The following CAMK1D variants were observed in gnomAD, a reference collection of about 807,000 sequenced individuals.
The protein encoded by CAMK1D is calcium/calmodulin-dependent protein kinase type 1D.
In CAMK1D, 9 loss-of-function variants were observed where a neutral mutation model predicts 47.7. The ratio of observed to expected loss-of-function variants is 0.19; its 90% confidence interval spans 0.11 to 0.33. The LOEUF (loss-of-function observed/expected upper bound fraction) is 0.33, where lower values mean the gene tolerates loss of function less well. CAMK1D is among the 10% of genes least tolerant of loss of function. The pLI is 1.00. For missense variants in CAMK1D, 291 were observed against 488.7 expected (o/e 0.60, Z 3.81); for synonymous variants, 184 against 184.9 (o/e 0.99, Z 0.04).
chr10:12,618,482 G>A (rs1341850047), intron 2 of CAMK1D, among the ~76,000 whole-genome samples: 1 of 152,146 alleles, frequency 6.6e-6, no homozygotes, highest in Non-Finnish European at 1.5e-5. Flanking sequence ...TTGCACTTGT[G>A]TGTCCATAAA....
chr10:12,691,375 AT>A (rs1383184778), intron 3 of CAMK1D, among the ~76,000 whole-genome samples: 1 of 6,912 alleles, frequency 1.4e-4, no homozygotes, highest in African/African-American at 5.0e-4. Flanking sequence ...ATATATATAT[AT>A]AAATATATAT....
chr10:12,827,311 C>CTTTTTTCTTTCT (rs1554831745), intron 10 of CAMK1D, among the ~76,000 whole-genome samples: 1 of 123,532 alleles, frequency 8.1e-6, no homozygotes, highest in Non-Finnish European at 1.6e-5. Flanking sequence ...CTCTCTTTTT[C>CTTTTTTCTTTCT]TTTTCTTTCT....
intron 1 of CAMK1D, among the ~76,000 whole-genome samples, chr10:12,406,368 A>G (rs1279232449): frequency 6.6e-6 from 1 of 152,132 alleles, no homozygotes; most frequent in African/African-American, 2.4e-5. Context: ...AACAAGAAGA[A>G]AATACTAGTT....
At chr10:12,560,618 A>T (rs1214816248) in intron 2 of CAMK1D, among the ~76,000 whole-genome samples, 2 of 151,994 alleles carry the variant, frequency 1.3e-5, no homozygotes, top group South Asian at 2.1e-4. Flanking sequence ...GGGGCTGAAG[A>T]TAACCACTTT....
chr10:12,769,644 G>C, intron 4 of CAMK1D, 29 bp from the exon 5 acceptor site: 2 of 1,612,508 alleles, frequency 1.2e-6, no homozygotes, highest in Non-Finnish European at 1.7e-6. Context: ...CACGTAGTTT[G>C]TAATGTTTTT....
chr10:12,663,586 T>C (rs1304866618), intron 2 of CAMK1D, among the ~76,000 whole-genome samples: 1 of 152,088 alleles, frequency 6.6e-6, no homozygotes, highest in Non-Finnish European at 1.5e-5. Context: ...AGTGCATGAG[T>C]ACCAGGAGGG....
At chr10:12,560,279 G>A (rs1466336495) in intron 2 of CAMK1D, among the ~76,000 whole-genome samples, 3 of 152,048 alleles carry the variant, frequency 2.0e-5, no homozygotes, top group African/African-American at 4.8e-5. Flanking sequence ...GGGTCCGGGC[G>A]CGGTGGCTCA....
At chr10:12,647,875 C>G (rs943473194) in intron 2 of CAMK1D, among the ~76,000 whole-genome samples, 1 of 152,174 alleles carries the variant, frequency 6.6e-6, no homozygotes, top group South Asian at 2.1e-4. Flanking sequence ...TCCTGGGACC[C>G]TCCTCCTGAG....
chr10:12,508,873 T>C (rs1259352558), intron 1 of CAMK1D, among the ~76,000 whole-genome samples: 1 of 152,096 alleles, frequency 6.6e-6, no homozygotes, highest in Non-Finnish European at 1.5e-5. Flanking sequence ...TTTAAGAAGA[T>C]TAAAGGAAAC....
At chr10:12,662,589 T>C (rs1454208981) in intron 2 of CAMK1D, among the ~76,000 whole-genome samples, 1 of 150,858 alleles carries the variant, frequency 6.6e-6, no homozygotes, top group East Asian at 1.9e-4. Context: ...GGGGCGGAGC[T>C]TGCAGTGAGC....
intron 1 of CAMK1D, among the ~76,000 whole-genome samples, chr10:12,453,244 C>T (rs892985915): frequency 5.4e-5 from 8 of 149,284 alleles, no homozygotes; most frequent in African/African-American, 1.7e-4. Context: ...GGCTGGAGTG[C>T]AGTGGTGCAG....
intron 3 of CAMK1D, among the ~76,000 whole-genome samples, chr10:12,722,209 T>C (rs1457992816): frequency 2.0e-5 from 3 of 151,954 alleles, no homozygotes; most frequent in Non-Finnish European, 4.4e-5. Flanking sequence ...TTTGGGAGGC[T>C]GAGGCGGGCG....
At chr10:12,665,643 A>AT (rs924591007) in intron 2 of CAMK1D, among the ~76,000 whole-genome samples, 115 of 151,624 alleles carry the variant, frequency 7.6e-4, no homozygotes, top group African/African-American at 2.5e-3. Flanking sequence ...TAATGAAATC[A>AT]TTTTTTTTTC....
intron 3 of CAMK1D, among the ~76,000 whole-genome samples, chr10:12,712,278 C>T (rs1833965792): frequency 6.6e-6 from 1 of 152,170 alleles, no homozygotes; most frequent in Non-Finnish European, 1.5e-5. Flanking sequence ...GTTGCAGGTT[C>T]AGGAATGTCA....
chr10:12,612,190 C>T (rs1838648521), intron 2 of CAMK1D, among the ~76,000 whole-genome samples: 1 of 152,086 alleles, frequency 6.6e-6, no homozygotes, highest in African/African-American at 2.4e-5. Flanking sequence ...AAACTCCAGC[C>T]TGGAACAAAG....
chr10:12,541,402 G>T (rs371603968), intron 1 of CAMK1D, among the ~76,000 whole-genome samples: 46 of 152,168 alleles, frequency 3.0e-4, no homozygotes, highest in African/African-American at 1.1e-3. Flanking sequence ...CTTGCTCTGT[G>T]ACCCAGGCTG....
intron 1 of CAMK1D, among the ~76,000 whole-genome samples, chr10:12,537,736 A>G (rs1836022095): frequency 6.6e-6 from 1 of 152,170 alleles, no homozygotes; most frequent in African/African-American, 2.4e-5. Context: ...TAACAGGGCT[A>G]TTATCTCTTT....
intron 2 of CAMK1D, among the ~76,000 whole-genome samples, chr10:12,623,523 C>T (rs1385802534): frequency 6.8e-6 from 1 of 147,130 alleles, no homozygotes; most frequent in African/African-American, 2.5e-5. Flanking sequence ...TCCCTCTCTT[C>T]CTTCCTTTTT....
intron 5 of CAMK1D, among the ~76,000 whole-genome samples, chr10:12,774,139 C>T (rs183743514): frequency 4.6e-5 from 7 of 152,116 alleles, no homozygotes; most frequent in East Asian, 1.9e-4. Context: ...GTGGCACTTA[C>T]ATCTGAGTGA....
Sources: allele counts gnomAD v4.1 joint callset (sites outside exome capture counted in the v4.1 genomes callset), GRCh38; gene constraint gnomAD v4.1.1; transcripts MANE v1.5; gene names NCBI Gene and HGNC (gene_info 2026-07-23, HGNC 2026-07-21).